HHLA1: variants seen among roughly 807,000 people sequenced by gnomAD.
HHLA1 encodes the protein HHLA1 neighbor of OC90.
Under a neutral mutation model 69.9 loss-of-function variants are expected in HHLA1, and 72 were observed. The ratio of observed to expected loss-of-function variants is 1.03; its 90% CI spans 0.85 to 1.25. HHLA1 has a LOEUF of 1.25. Among genes scored for constraint, HHLA1 ranks in the 50% most tolerant of loss-of-function variants. The probability of loss-of-function intolerance (pLI) is 0.00; values close to 1 mark genes in which losing one functional copy is unlikely to be tolerated. For synonymous variants in HHLA1, 252 were observed against 233.2 expected (o/e 1.08, Z -0.73); for missense variants, 685 against 642.2 (o/e 1.07, Z -0.72).
At chr8:132,074,736 A>G (rs1446110404) in intron 14 of HHLA1, among the ~76,000 whole-genome samples, 1 of 152,242 alleles carries the variant, frequency 6.6e-6, no homozygotes, top group African/African-American at 2.4e-5. Context: ...ATGGAAGTTA[A>G]GAAATAAAGA....
chr8:132,070,589 A>T (rs1418281195), intron 15 of HHLA1, among the ~76,000 whole-genome samples: 2 of 151,560 alleles, frequency 1.3e-5, no homozygotes, highest in African/African-American at 4.9e-5. Context: ...AACTTATCTC[A>T]ACTCAACTCA....
At chr8:132,105,045 G>A in intron 2 of HHLA1, 142 bp downstream of exon 2, 1 of 670,728 alleles carries the variant, frequency 1.5e-6, no homozygotes. Flanking sequence ...AACAACAGAA[G>A]TAGGGAAGTT....
intron 13 of HHLA1, 67 bp from the exon 14 acceptor site, chr8:132,076,196 G>T (rs1345053183): frequency 8.2e-6 from 9 of 1,095,424 alleles, no homozygotes; most frequent in Admixed American, 2.1e-5. Flanking sequence ...CACACAGCAA[G>T]AAATTTATAA....
intron 3 of HHLA1, among the ~76,000 whole-genome samples, chr8:132,103,779 G>A (rs1021075440): frequency 6.6e-6 from 1 of 152,094 alleles, no homozygotes; most frequent in Non-Finnish European, 1.5e-5. Flanking sequence ...AGTCACCATT[G>A]TACTGCAAAG....
At chr8:132,096,326 G>T (rs942194293) in intron 5 of HHLA1, among the ~76,000 whole-genome samples, 1 of 152,166 alleles carries the variant, frequency 6.6e-6, no homozygotes, top group African/African-American at 2.4e-5. Context: ...GGACCCTTGT[G>T]GTGGCATCCG....
At chr8:132,071,539 A>G in intron 14 of HHLA1, 46 bp from the exon 15 acceptor site, 3 of 1,531,178 alleles carry the variant, frequency 2.0e-6, no homozygotes, top group Non-Finnish European at 2.7e-6. Context: ...AGAGTTTAGT[A>G]AGCATCTTCT....
At chr8:132,089,857 C>T (rs1823920794) in intron 7 of HHLA1, among the ~76,000 whole-genome samples, 1 of 152,198 alleles carries the variant, frequency 6.6e-6, no homozygotes, top group Non-Finnish European at 1.5e-5. Flanking sequence ...CCCTTCTCTG[C>T]TAACATCTAA....
intron 10 of HHLA1, among the ~76,000 whole-genome samples, chr8:132,084,012 T>G (rs1222604455): frequency 1.3e-5 from 2 of 151,486 alleles, no homozygotes; most frequent in African/African-American, 4.8e-5. Context: ...TCAGGGTTGC[T>G]GCCAAACAAG....
intron 3 of HHLA1, 95 bp from the exon 4 acceptor site, chr8:132,100,229 T>C: frequency 1.1e-6 from 1 of 870,472 alleles, no homozygotes; most frequent in African/African-American, 1.7e-5. Flanking sequence ...TGGCCTCTGC[T>C]CTCCGTGTGA....
intron 1 of HHLA1, among the ~76,000 whole-genome samples, chr8:132,110,257 C>T (rs1001057292): frequency 3.9e-5 from 6 of 152,158 alleles, no homozygotes; most frequent in African/African-American, 7.2e-5. Context: ...GGCATTACGA[C>T]GGTCCGTTCA....
At chr8:132,101,359 C>A in intron 3 of HHLA1, 1 of 1,473,884 alleles carries the variant, frequency 6.8e-7, no homozygotes, top group South Asian at 1.4e-5. Context: ...TCATCTTGTC[C>A]AACACTTTGA....
chr8:132,065,789 G>A (rs1823426556), intron 16 of HHLA1, 97 bp downstream of exon 16: 2 of 516,386 alleles, frequency 3.9e-6, no homozygotes, highest in Non-Finnish European at 3.5e-6. Context: ...ATGAGCTACA[G>A]CATTCCAAAG....
intron 10 of HHLA1, among the ~76,000 whole-genome samples, chr8:132,083,608 T>C (rs1385296132): frequency 6.6e-6 from 1 of 152,156 alleles, no homozygotes; most frequent in Non-Finnish European, 1.5e-5. Flanking sequence ...AGTCCGATTT[T>C]CAGTGGGGTC....
chr8:132,076,439 AC>A (rs1363385616), intron 13 of HHLA1, 35 bp downstream of exon 13: 4 of 291,756 alleles, frequency 1.4e-5, no homozygotes, highest in South Asian at 6.8e-5. Flanking sequence ...CCCATCCCCC[AC>A]CCCCAAACCC....
At chr8:132,096,773 G>A (rs1267620950) in intron 5 of HHLA1, among the ~76,000 whole-genome samples, 3 of 152,126 alleles carry the variant, frequency 2.0e-5, no homozygotes, top group Non-Finnish European at 4.4e-5. Context: ...GGAAAGGTGG[G>A]TATGCCCAGG....
chr8:132,073,648 C>A (rs994895847), intron 14 of HHLA1, among the ~76,000 whole-genome samples: 1 of 152,202 alleles, frequency 6.6e-6, no homozygotes, highest in African/African-American at 2.4e-5. Flanking sequence ...AACCATCACA[C>A]TTCACTACTT....
intron 3 of HHLA1, chr8:132,101,327 C>T: frequency 1.3e-6 from 2 of 1,530,878 alleles, no homozygotes; most frequent in Non-Finnish European, 1.8e-6. Flanking sequence ...CAGCCTCAAA[C>T]AGTTCATAAC....
intron 15 of HHLA1, among the ~76,000 whole-genome samples, chr8:132,066,409 T>C (rs979331307): frequency 5.9e-5 from 9 of 152,216 alleles, no homozygotes; most frequent in Non-Finnish European, 1.2e-4. Context: ...TTTATTTTAG[T>C]GGGAGATGAG....
chr8:132,078,792 T>C (rs1823689689), intron 11 of HHLA1, among the ~76,000 whole-genome samples: 1 of 152,180 alleles, frequency 6.6e-6, no homozygotes, highest in Admixed American at 6.5e-5. Context: ...AGGAAATATG[T>C]TTTGATGAGT....
Sources: gnomAD v4.1 joint callset for allele counts (sites outside exome capture counted in the v4.1 genomes callset) on GRCh38, gnomAD v4.1.1 for gene constraint, MANE v1.5 for transcripts, NCBI Gene and HGNC (gene_info 2026-07-23, HGNC 2026-07-21) for gene names.